Variants in NRG1 observed in about 807,000 individuals in gnomAD.
NRG1 encodes neuregulin 1, also known as pro-neuregulin-1, membrane-bound isoform.
A neutral mutation model predicts 63.8 loss-of-function variants in NRG1; 18 were observed. That is an observed-to-expected ratio of 0.28 (90% confidence interval 0.19 to 0.42). The LOEUF (loss-of-function observed/expected upper bound fraction) is 0.42, where lower values mean the gene tolerates loss of function less well. Ranked by LOEUF, NRG1 falls within the 10% of genes least tolerant of loss-of-function variation. The pLI, the probability that NRG1 is intolerant of heterozygous loss-of-function variation, is 1.00. For synonymous variants in NRG1, 302 were observed against 301.3 expected (o/e 1.00, Z -0.02); for missense variants, 762 against 814.7 (o/e 0.94, Z 0.79).
At chr8:32,548,522 C>A (rs530107040) in exon 1 of NRG1, 1 of 1,243,162 alleles carries the variant, frequency 8.0e-7, no homozygotes, top group Non-Finnish European at 1.0e-6. Context: ...GGCGAGCGCC[C>A]GTTCCAGGTG....
At chr8:31,816,434 C>T (rs747252787) in intron 1 of NRG1, among the ~76,000 whole-genome samples, 18 of 152,326 alleles carry the variant, frequency 1.2e-4, no homozygotes, top group Admixed American at 9.1e-4. Context: ...TTCCTTTCCT[C>T]TCCTTATTAA....
intron 1 of NRG1, among the ~76,000 whole-genome samples, chr8:32,487,765 A>C (rs1826077783): frequency 6.6e-6 from 1 of 152,154 alleles, no homozygotes; most frequent in African/African-American, 2.4e-5. Context: ...GCATTTCTCT[A>C]CACGTTAGAG....
chr8:31,816,581 G>C (rs912960697), intron 1 of NRG1, among the ~76,000 whole-genome samples: 1 of 152,078 alleles, frequency 6.6e-6, no homozygotes, highest in Non-Finnish European at 1.5e-5. Flanking sequence ...AAATAATCTG[G>C]AGCATATTAT....
intron 5 of NRG1, among the ~76,000 whole-genome samples, chr8:32,689,733 T>TA (rs1325204879): frequency 6.6e-6 from 1 of 152,144 alleles, no homozygotes; most frequent in East Asian, 1.9e-4. Flanking sequence ...GAAATATAAA[T>TA]ATCTATATTT....
rs143626411 is a variant in NRG1, at chr8:32,662,724, T to C, written c.502+45839T>C. ...AGATTTAGAATGATGTAATGATGAA[T>C]TGGATATGGGATTTGAGTGAGAGGA... On this transcript the variant is annotated intron_variant, in intron 5 of 11. Transcript: ENST00000356819. Among the ~76,000 whole-genome samples, 18 of 152,236 alleles carry C rather than the reference T, an allele frequency of 1.2e-4. 1 individual carries two copies. The East Asian group carries it at 3.3e-3, about 28-fold the overall frequency.
At chr8:31,782,718 C>A (rs889634635) in intron 1 of NRG1, among the ~76,000 whole-genome samples, 2 of 152,110 alleles carry the variant, frequency 1.3e-5, no homozygotes, top group African/African-American at 4.8e-5. Flanking sequence ...ATGAACCCAA[C>A]GCTGTGCTTT....
chr8:32,547,474 T>C (rs1193263821), upstream of NRG1, among the ~76,000 whole-genome samples: 1 of 152,188 alleles, frequency 6.6e-6, no homozygotes, highest in Non-Finnish European at 1.5e-5. Flanking sequence ...CTATGTTTTT[T>C]ATCAGTTCCT....
At chr8:32,300,028 A>G (rs2129475039) in intron 1 of NRG1, among the ~76,000 whole-genome samples, 1 of 152,320 alleles carries the variant, frequency 6.6e-6, no homozygotes, top group East Asian at 1.9e-4. Flanking sequence ...TAATTGAACA[A>G]TAGGAGCACC....
chr8:31,798,675 A>G (rs1326673773), intron 1 of NRG1, among the ~76,000 whole-genome samples: 1 of 152,190 alleles, frequency 6.6e-6, no homozygotes, highest in Non-Finnish European at 1.5e-5. Context: ...GTACATAATA[A>G]GATGTAATCT....
intron 1 of NRG1, among the ~76,000 whole-genome samples, chr8:32,331,137 A>G (rs1227876752): frequency 6.6e-6 from 1 of 152,074 alleles, no homozygotes; most frequent in Non-Finnish European, 1.5e-5. Context: ...GCAAGTCTTC[A>G]TGAGTTAATT....
intron 1 of NRG1, among the ~76,000 whole-genome samples, chr8:32,039,958 C>A (rs889978060): frequency 1.3e-5 from 2 of 151,928 alleles, no homozygotes; most frequent in African/African-American, 2.4e-5. Context: ...AGAGTTTGAG[C>A]CTGCAGTGAG....
At chr8:32,031,428 A>G (rs1818238660) in intron 1 of NRG1, among the ~76,000 whole-genome samples, 1 of 152,084 alleles carries the variant, frequency 6.6e-6, no homozygotes, top group African/African-American at 2.4e-5. Flanking sequence ...GCTGCACGTG[A>G]CTGGTGCCAT....
chr8:31,884,190 T>A (rs1432153735), intron 1 of NRG1, among the ~76,000 whole-genome samples: 1 of 152,124 alleles, frequency 6.6e-6, no homozygotes, highest in Admixed American at 6.6e-5. Flanking sequence ...TTCAAGGGAA[T>A]CCTATTTGGC....
At chr8:31,850,415 C>T (rs770737923) in intron 1 of NRG1, among the ~76,000 whole-genome samples, 8 of 152,134 alleles carry the variant, frequency 5.3e-5, no homozygotes, top group Non-Finnish European at 8.8e-5. Context: ...TTGGTTCTTC[C>T]GCACATGGTC....
chr8:32,657,456 A>T (rs1268234790), intron 5 of NRG1, among the ~76,000 whole-genome samples: 1 of 152,076 alleles, frequency 6.6e-6, no homozygotes, highest in Non-Finnish European at 1.5e-5. Flanking sequence ...ATCAGAGGTT[A>T]TAGAGTAGAT....
chr8:32,678,323 T>A (rs1807715111), intron 5 of NRG1, among the ~76,000 whole-genome samples: 1 of 152,194 alleles, frequency 6.6e-6, no homozygotes, highest in South Asian at 2.1e-4. Context: ...GGCAGAGAAC[T>A]GTGCTGCAGG....
intron 1 of NRG1, among the ~76,000 whole-genome samples, chr8:32,532,924 A>G (rs892853797): frequency 2.0e-4 from 31 of 152,034 alleles, no homozygotes; most frequent in African/African-American, 6.7e-4. Flanking sequence ...TGTAGAAAAA[A>G]CATTTACTTA....
At chr8:32,271,218 A>G (rs774477430) in intron 1 of NRG1, among the ~76,000 whole-genome samples, 1 of 152,230 alleles carries the variant, frequency 6.6e-6, no homozygotes, top group Non-Finnish European at 1.5e-5. Context: ...CCCAAAAATT[A>G]GTCATTAAAA....
intron 1 of NRG1, among the ~76,000 whole-genome samples, chr8:31,779,304 T>C (rs567185943): frequency 2.6e-5 from 4 of 152,292 alleles, no homozygotes; most frequent in Admixed American, 2.6e-4. Context: ...TTGCCTGTTA[T>C]AGTGTGCTGG....
Sources: allele counts gnomAD v4.1 joint callset (sites outside exome capture counted in the v4.1 genomes callset), GRCh38; gene constraint gnomAD v4.1.1; transcripts MANE v1.5; gene names NCBI Gene and HGNC (gene_info 2026-07-23, HGNC 2026-07-21).